The following THSD4 variants were observed in gnomAD, a reference collection of about 807,000 sequenced individuals.
THSD4 encodes the protein thrombospondin type 1 domain containing 4.
Under a neutral mutation model 119.0 loss-of-function variants are expected in THSD4, and 69 were observed. The observed-to-expected ratio is 0.58, with a 90% CI of 0.48 to 0.71. The LOEUF is 0.71. Among genes scored for constraint, THSD4 ranks in the 30% least tolerant of loss-of-function variants. The pLI is 0.00. For missense variants in THSD4, 1,393 were observed against 1,391.1 expected (o/e 1.00, Z -0.02); for synonymous variants, 524 against 540.4 (o/e 0.97, Z 0.42).
chr15:71,274,414 A>G (rs571669361), intron 6 of THSD4, among the ~76,000 whole-genome samples: 1 of 112,918 alleles, frequency 8.9e-6, no homozygotes, highest in South Asian at 2.8e-4. Flanking sequence ...TCTGATCCCA[A>G]ATGTGATGCT....
chr15:71,293,977 A>C (rs1336554363), intron 6 of THSD4, among the ~76,000 whole-genome samples: 1 of 150,550 alleles, frequency 6.6e-6, no homozygotes, highest in Non-Finnish European at 1.5e-5. Flanking sequence ...CTTGCAGTAC[A>C]TGTGCTATGT....
intron 4 of THSD4, among the ~76,000 whole-genome samples, chr15:71,240,997 A>G (rs1389655345): frequency 6.6e-6 from 1 of 152,202 alleles, no homozygotes; most frequent in African/African-American, 2.4e-5. Flanking sequence ...TGAAGGTGCA[A>G]TTAGTAATAA....
chr15:71,276,695 G>A (rs1013478886), intron 6 of THSD4, among the ~76,000 whole-genome samples: 17 of 152,152 alleles, frequency 1.1e-4, no homozygotes, highest in Admixed American at 1.3e-4. Context: ...CTTCATAAAT[G>A]TTTACAATAT....
Position 71,243,044 on chromosome 15 carries a change from C to T in THSD4, c.860C>T (p.Thr287Ile), listed in dbSNP as rs2044167533. The T allele has an allele frequency of 1.9e-6, 3 of 1,614,078 alleles. No homozygotes were observed. Among genetic ancestry groups the T allele is most frequent in the South Asian group, 1.1e-5 (1 of 91,082 alleles). The change falls in exon 5 of 18, where the codon ACA becomes ATA. Residue 287 changes from threonine (T) to isoleucine (I), a missense_variant. Coordinates refer to ENST00000261862, the MANE Select transcript of THSD4 (RefSeq NM_024817.3). ...AGCTTCTCTCAGCCTGCCCGATCTA[C>T]AGCAATCTCATGCATCGGGGCCTAT... is the stretch of plus-strand genomic sequence containing the variant. ...TQSFSQPARS[T>I]AISCIGAYRQ...
intron 8 of THSD4, among the ~76,000 whole-genome samples, chr15:71,664,107 C>T (rs898447903): frequency 2.0e-5 from 3 of 151,946 alleles, no homozygotes; most frequent in African/African-American, 7.3e-5. Context: ...CTCAGCCTCC[C>T]GAGTAGCTGG....
intron 14 of THSD4, among the ~76,000 whole-genome samples, chr15:71,757,422 TATA>T (rs2053557830): frequency 3.5e-5 from 5 of 143,124 alleles, no homozygotes; most frequent in African/African-American, 1.1e-4. Context: ...TGAATATATA[TATA>T]TTTTTTTATT....
At chr15:71,164,764 A>G in intron 3 of THSD4, 1 of 1,594,598 alleles carries the variant, frequency 6.3e-7, no homozygotes, top group Admixed American at 1.8e-5. Context: ...CTGCGCTAGA[A>G]CCAACTTATT....
rs117212715 is a variant in THSD4, at chr15:71,318,460, C to T, written c.1015+61745C>T. ...AGATGGAATCTTAGTGGGAAGGAAC[C>T]ACTATTTGTCTTTTACTCATTAAGT... is the stretch of plus-strand genomic sequence containing the variant. On this transcript the variant is annotated intron_variant, in intron 6 of 17. Transcript: ENST00000261862. Among the ~76,000 whole-genome samples the T allele has an allele frequency of 7.3e-3, 1,110 of 152,236 alleles. 10 individuals carry two copies. The highest frequency in any genetic ancestry group is 0.011 in the Non-Finnish European group (721 of 68,012).
At chr15:71,239,091 A>G (rs1159623510) in intron 4 of THSD4, among the ~76,000 whole-genome samples, 2 of 152,260 alleles carry the variant, frequency 1.3e-5, no homozygotes, top group African/African-American at 4.8e-5. Flanking sequence ...CTTTTCTTAC[A>G]TAAAGGCAAA....
At chr15:71,201,908 G>T (rs2043806313) in intron 3 of THSD4, among the ~76,000 whole-genome samples, 1 of 152,194 alleles carries the variant, frequency 6.6e-6, no homozygotes, top group African/African-American at 2.4e-5. Context: ...TCAGTTCTTT[G>T]CCAGAGCAAG....
intron 7 of THSD4, among the ~76,000 whole-genome samples, chr15:71,457,969 G>A (rs1232934994): frequency 2.0e-5 from 3 of 152,126 alleles, no homozygotes; most frequent in Non-Finnish European, 4.4e-5. Flanking sequence ...TGAAGTCAGG[G>A]GATCTGTGAT....
chr15:71,493,517 G>A (rs948759365), intron 7 of THSD4, among the ~76,000 whole-genome samples: 1 of 152,084 alleles, frequency 6.6e-6, no homozygotes, highest in Non-Finnish European at 1.5e-5. Flanking sequence ...ATAAACTGAG[G>A]CTCCGGGAAG....
At chr15:71,210,868 T>C (rs900699037) in intron 3 of THSD4, among the ~76,000 whole-genome samples, 8 of 152,190 alleles carry the variant, frequency 5.3e-5, no homozygotes, top group African/African-American at 1.9e-4. Flanking sequence ...CTAACTGGGC[T>C]CCTATTCATG....
chr15:71,587,773 T>TAA lies in THSD4; in HGVS notation c.1153-72746_1153-72745dup, dbSNP rs529447946. Among the ~76,000 whole-genome samples the TAA allele has an allele frequency of 1.6e-3, 124 of 76,512 alleles. 1 individual carries two copies. Among genetic ancestry groups the TAA allele is most frequent in the Admixed American group, 3.2e-3 (23 of 7,152 alleles). The allele number at this position is 76,512 out of a possible 152,430, so 50.2% of individuals were successfully genotyped here. ...ATGTACCCTAAAACTTAGAGTATAATAAAAAAAAAAAATTAAAAAAAAAAA... is the reference window on the plus strand; with the variant it reads ...ATGTACCCTAAAACTTAGAGTATAATAAAAAAAAAAAAAATTAAAAAAAAAAA... On this transcript the variant is annotated intron_variant, in intron 7 of 17. Transcript: ENST00000261862.
At chr15:71,728,967 A>G in intron 9 of THSD4, 1 of 531,908 alleles carries the variant, frequency 1.9e-6, no homozygotes, top group Non-Finnish European at 3.4e-6. Flanking sequence ...TTATTGACCC[A>G]GTAAAACCAA....
chr15:71,566,473 G>C (rs975339041), intron 7 of THSD4, among the ~76,000 whole-genome samples: 3 of 152,118 alleles, frequency 2.0e-5, no homozygotes, highest in Admixed American at 6.5e-5. Flanking sequence ...CAGGGGTTGT[G>C]GGGGTAGACA....
At chr15:71,621,484 G>A (rs1293922484) in intron 7 of THSD4, among the ~76,000 whole-genome samples, 1 of 152,042 alleles carries the variant, frequency 6.6e-6, no homozygotes, top group East Asian at 1.9e-4. Context: ...AGTAACTGAA[G>A]AGCATTTTGG....
At chr15:71,253,479 C>T (rs574635586) in intron 5 of THSD4, among the ~76,000 whole-genome samples, 1 of 152,146 alleles carries the variant, frequency 6.6e-6, no homozygotes, top group East Asian at 1.9e-4. Context: ...GTGATCTCAG[C>T]TCATTGCAAC....
At chr15:71,633,598 G>C (rs2050680618) in intron 7 of THSD4, among the ~76,000 whole-genome samples, 1 of 152,106 alleles carries the variant, frequency 6.6e-6, no homozygotes, top group Non-Finnish European at 1.5e-5. Context: ...CTTTTGAAGG[G>C]ACAAATTTGG....
Sources: allele counts gnomAD v4.1 joint callset (sites outside exome capture counted in the v4.1 genomes callset), GRCh38; gene constraint gnomAD v4.1.1; transcripts MANE v1.5; gene names NCBI Gene and HGNC (gene_info 2026-07-23, HGNC 2026-07-21).